The following GPD1L variants were observed in gnomAD, a reference collection of about 807,000 sequenced individuals.
GPD1L encodes glycerol-3-phosphate dehydrogenase 1 like.
GPD1L carries 17 observed loss-of-function variants against 32.9 expected under a neutral mutation model. That is an observed-to-expected ratio of 0.52 (90% CI 0.35 to 0.78). The LOEUF is 0.78. Among genes scored for constraint, GPD1L ranks in the 30% least tolerant of loss-of-function variants. The pLI, the probability that GPD1L is intolerant of heterozygous loss-of-function variation, is 0.01. For missense variants in GPD1L, 361 were observed against 447.8 expected (o/e 0.81, Z 1.75); for synonymous variants, 187 against 165.9 (o/e 1.13, Z -0.98).
chr3:32,136,152 C>T lies in GPD1L; in HGVS notation c.226-2435C>T, dbSNP rs114661941. Among the ~76,000 whole-genome samples, 887 of 152,304 alleles carry T rather than the reference C, an allele frequency of 5.8e-3. 7 individuals are homozygous for T. The highest frequency in any genetic ancestry group is 0.02 in the African/African-American group (834 of 41,560). Reference sequence around the variant, plus strand: ...ACAGGGCCCTGTTTTTCCCTCTGTTCCCCTGCTTTGCCATCCGCAAAGTTG... The same window carrying T: ...ACAGGGCCCTGTTTTTCCCTCTGTTTCCCTGCTTTGCCATCCGCAAAGTTG... On this transcript the variant is annotated intron_variant, in intron 2 of 7. Transcript: ENST00000282541.
intron 1 of GPD1L, among the ~76,000 whole-genome samples, chr3:32,121,469 CTCTCTATATATATTTCTCTCTA>C (rs1700410436): frequency 4.9e-5 from 6 of 121,652 alleles, no homozygotes; most frequent in Admixed American, 4.8e-4. Flanking sequence ...ATATATATTT[CTCTCTATATATATTTCTCTCTA>C]TATATATTTC....
intron 1 of GPD1L, among the ~76,000 whole-genome samples, chr3:32,123,288 A>AT (rs1700452123): frequency 6.6e-6 from 1 of 152,212 alleles, no homozygotes; most frequent in South Asian, 2.1e-4. Flanking sequence ...AGTAGAATGA[A>AT]AACAAGACAG....
At chr3:32,121,577 A>ATATATATATTTCTATATATATATTTC (rs1700415512) in intron 1 of GPD1L, among the ~76,000 whole-genome samples, 4 of 104,484 alleles carry the variant, frequency 3.8e-5, no homozygotes, top group African/African-American at 5.0e-5. Flanking sequence ...ATATATTTCT[A>ATATATATATTTCTATATATATATTTC]TATATATATT....
intron 5 of GPD1L, among the ~76,000 whole-genome samples, chr3:32,148,258 GAGA>G (rs1160905043): frequency 9.9e-5 from 15 of 152,224 alleles, no homozygotes; most frequent in Admixed American, 6.5e-5. Flanking sequence ...AGTGCTGGGT[GAGA>G]AGAAGGAGTC....
chr3:32,127,600 T>C (rs1229465090), intron 1 of GPD1L, among the ~76,000 whole-genome samples: 1 of 152,202 alleles, frequency 6.6e-6, no homozygotes, highest in Non-Finnish European at 1.5e-5. Context: ...TGCAAAGTAC[T>C]CAACAACTGG....
chr3:32,166,082 G>C lies in GPD1L; in HGVS notation c.*172G>C. On this transcript the variant is annotated 3_prime_UTR_variant, in exon 8 of 8. Coordinates refer to ENST00000282541, the MANE Select transcript of GPD1L (RefSeq NM_015141.4). Reference sequence around the variant, plus strand: ...TGAGAGGCAGTTCATTAGCAAAGATGTACTGGGCAGTAACTAAACACACAT... The same window carrying C: ...TGAGAGGCAGTTCATTAGCAAAGATCTACTGGGCAGTAACTAAACACACAT... 2 of 658,958 alleles carry C rather than the reference G, an allele frequency of 3.0e-6. No individual in the cohort carries two copies. Among genetic ancestry groups the C allele is most frequent in the Non-Finnish European group, 5.5e-6 (2 of 360,782 alleles). The allele number at this position is 658,958 out of a possible 1,614,324, so 40.8% of individuals were successfully genotyped here.
At chr3:32,140,851 A>T (rs1241756290) in intron 4 of GPD1L, among the ~76,000 whole-genome samples, 1 of 152,228 alleles carries the variant, frequency 6.6e-6, no homozygotes, top group African/African-American at 2.4e-5. Flanking sequence ...ATCACACACT[A>T]ATGTAGAAGC....
intron 5 of GPD1L, among the ~76,000 whole-genome samples, chr3:32,156,685 A>T (rs575859211): frequency 1.3e-5 from 2 of 152,128 alleles, no homozygotes; most frequent in African/African-American, 4.8e-5. Context: ...CTAAATGACC[A>T]AGTCTGTTTG....
intron 5 of GPD1L, among the ~76,000 whole-genome samples, chr3:32,157,284 C>A (rs943299910): frequency 6.6e-6 from 1 of 151,870 alleles, no homozygotes; most frequent in Non-Finnish European, 1.5e-5. Context: ...CTCGCTCTCG[C>A]CCAGGCTGGA....
In GPD1L at chr3:32,159,686, A is replaced by C. The variant is rs770457115; in HGVS notation, c.959+12A>C. ...GGACTACTGGACAAGTAAGTCTCTC[A>C]GTCGCCCATGAGACCAGATAAATGT... is the stretch of plus-strand genomic sequence containing the variant. On this transcript the variant is annotated intron_variant, in intron 7 of 7. Coordinates refer to ENST00000282541, the MANE Select transcript of GPD1L (RefSeq NM_015141.4). 1.1e-5 allele frequency: 16 copies of C among 1,477,918 alleles called. 1 individual carries two copies. Among genetic ancestry groups the C allele is most frequent in the Non-Finnish European group, 1.5e-5 (16 of 1,055,848 alleles). 91.6% of individuals were successfully genotyped at this position (1,477,918 alleles called of 1,614,324 possible).
At chr3:32,121,317 G>A (rs1700407895) in intron 1 of GPD1L, among the ~76,000 whole-genome samples, 1 of 151,286 alleles carries the variant, frequency 6.6e-6, no homozygotes, top group South Asian at 2.1e-4. Context: ...CCTATTGTTG[G>A]CCATGCCACC....
At position 32,165,906 on chromosome 3, in the gene GPD1L, C is replaced by G; in HGVS notation, c.1052C>G (p.Thr351Arg). Residue 351 changes from threonine to arginine, a missense_variant, in exon 8 of 8, where the codon ACA becomes AGA. By Grantham distance (71) the Thr-to-Arg change is moderately conservative. Coordinates refer to ENST00000282541, the MANE Select transcript of GPD1L (RefSeq NM_015141.4). ...TGTCTTCAGAGCCATCCAGAGCATACATAAAGTGAATCATGCAACGTGTTG... is the reference window on the plus strand; with the variant it reads ...TGTCTTCAGAGCCATCCAGAGCATAGATAAAGTGAATCATGCAACGTGTTG... ...LSCLQSHPEH[T>R] 6.4e-7 allele frequency: 1 copy of G among 1,561,326 alleles called. No individual in the cohort carries two copies. The highest frequency in any genetic ancestry group is 8.8e-7 in the Non-Finnish European group (1 of 1,131,624).
intron 5 of GPD1L, among the ~76,000 whole-genome samples, chr3:32,153,708 CTTGGGTT>C (rs1337560738): frequency 5.3e-5 from 8 of 152,184 alleles, no homozygotes; most frequent in African/African-American, 1.9e-4. Context: ...TGAGTACTGA[CTTGGGTT>C]TTGGGGAGGC....
chr3:32,132,673 A>G (rs929313577), intron 2 of GPD1L, among the ~76,000 whole-genome samples: 6 of 152,016 alleles, frequency 3.9e-5, no homozygotes, highest in African/African-American at 1.5e-4. Flanking sequence ...GCCCACTCCT[A>G]TAGTTTCTGA....
intron 1 of GPD1L, among the ~76,000 whole-genome samples, chr3:32,123,328 C>T (rs1332669693): frequency 6.6e-6 from 1 of 152,204 alleles, no homozygotes; most frequent in Non-Finnish European, 1.5e-5. Context: ...GATATTACTA[C>T]CTGCCAAGGC....
At chr3:32,141,042 A>G (rs1700735338) in intron 4 of GPD1L, among the ~76,000 whole-genome samples, 1 of 152,228 alleles carries the variant, frequency 6.6e-6, no homozygotes, top group Non-Finnish European at 1.5e-5. Context: ...TTGGAAGAGT[A>G]ATATTATTGT....
chr3:32,117,150 C>T (rs1365314795), intron 1 of GPD1L, among the ~76,000 whole-genome samples: 5 of 152,132 alleles, frequency 3.3e-5, no homozygotes, highest in African/African-American at 1.2e-4. Context: ...ACATAAAGAA[C>T]ATCTTCATTC....
At chr3:32,128,549 G>A (rs914856204) in intron 2 of GPD1L, among the ~76,000 whole-genome samples, 7 of 152,152 alleles carry the variant, frequency 4.6e-5, no homozygotes, top group Non-Finnish European at 7.3e-5. Context: ...TTCTTCTGAG[G>A]CCTCTCTCCT....
intron 1 of GPD1L, among the ~76,000 whole-genome samples, chr3:32,127,006 T>C (rs1003947898): frequency 9.9e-5 from 15 of 152,168 alleles, no homozygotes; most frequent in African/African-American, 3.6e-4. Flanking sequence ...ATTTTATGGT[T>C]GTTAAAGCAT....
Sources: gnomAD v4.1 joint callset for allele counts (sites outside exome capture counted in the v4.1 genomes callset) on GRCh38, gnomAD v4.1.1 for gene constraint, MANE v1.5 for transcripts, NCBI Gene and HGNC (gene_info 2026-07-23, HGNC 2026-07-21) for gene names.